ARHGEF7: variants seen among roughly 807,000 people sequenced by gnomAD.
The protein encoded by ARHGEF7 is Rho guanine nucleotide exchange factor 7.
ARHGEF7 carries 33 observed loss-of-function variants against 109.8 expected under a neutral mutation model. That is an observed-to-expected ratio of 0.30 (90% CI 0.23 to 0.40). The LOEUF (loss-of-function observed/expected upper bound fraction) is 0.40. Ranked by LOEUF, ARHGEF7 falls within the 10% of genes least tolerant of loss-of-function variation. The probability of loss-of-function intolerance (pLI) is 1.00; values close to 1 mark genes in which losing one functional copy is unlikely to be tolerated. For synonymous variants in ARHGEF7, 458 were observed against 424.6 expected (o/e 1.08, Z -0.97); for missense variants, 938 against 1,098.5 (o/e 0.85, Z 2.07).
intron 1 of ARHGEF7, among the ~76,000 whole-genome samples, chr13:111,121,131 C>G (rs1375114883): frequency 6.6e-6 from 1 of 152,184 alleles, no homozygotes; most frequent in Non-Finnish European, 1.5e-5. Flanking sequence ...CCTGGAGCCA[C>G]TGCAGGTGTC....
In ARHGEF7 at chr13:111,304,203, T is replaced by A. The variant is rs577015983; in HGVS notation, c.*1090T>A. 2.0e-5 allele frequency: 3 copies of A among 152,182 alleles called. No homozygotes were observed. In the East Asian group the frequency reaches 5.8e-4, roughly 29 times the overall value. The allele number at this position is 152,182 out of a possible 1,614,324, so 9.4% of individuals were successfully genotyped here. The stretch of plus-strand genomic sequence containing the variant: ...ACACCTTAGGTTCCACTAAGTAACA[T>A]AGGCATAAGCAGGGAACGTTTCCCC... On this transcript the variant is annotated 3_prime_UTR_variant, in exon 22 of 22. Coordinates refer to ENST00000646102, the MANE Select transcript of ARHGEF7 (RefSeq NM_001354046.2).
intron 17 of ARHGEF7, among the ~76,000 whole-genome samples, chr13:111,287,195 CCTT>C (rs1162125079): frequency 6.6e-6 from 1 of 152,204 alleles, no homozygotes; most frequent in African/African-American, 2.4e-5. Flanking sequence ...TCCTGACTGT[CCTT>C]CTCCTTAGGT....
In ARHGEF7 at chr13:111,301,535, A is replaced by G; in HGVS notation, c.2466+3A>G. On this transcript the variant is annotated splice_donor_region_variant and intron_variant, in intron 21 of 21. Transcript: ENST00000646102. ...ATGAAGTTCAAGAATTAAGACAGGT[A>G]CGTCATAATCCATCTTTAAATCTTT... 1 of 1,601,746 alleles carries G rather than the reference A, an allele frequency of 6.2e-7. No homozygotes were observed. The highest frequency in any genetic ancestry group is 2.2e-5 in the East Asian group (1 of 44,802).
At chr13:111,218,743 G>C (rs976012618) in intron 5 of ARHGEF7, among the ~76,000 whole-genome samples, 1 of 152,256 alleles carries the variant, frequency 6.6e-6, no homozygotes, top group African/African-American at 2.4e-5. Flanking sequence ...TCCCTTGTGC[G>C]GTCTTGTGGG....
Position 111,292,184 on chromosome 13 carries a change from C to T in ARHGEF7, c.2201C>T (p.Ser734Phe). ...GATGATGACCAACCAAGCCTAGACT[C>T]CCTGGGGCGTCGCAGTAGCCTTTCT... The part of the protein sequence containing the change: ...LADDDQPSLD[S>F]LGRRSSLSRL... The change falls in exon 19 of 22, where the codon TCC becomes TTC. Residue 734 changes from serine (S) to phenylalanine (F), a missense_variant. Transcript: ENST00000646102. The T allele has an allele frequency of 6.2e-7, 1 of 1,613,974 alleles. No homozygotes were observed. The highest frequency in any genetic ancestry group is 8.5e-7 in the Non-Finnish European group (1 of 1,180,036).
chr13:111,127,304 G>A (rs1005164137), intron 1 of ARHGEF7, among the ~76,000 whole-genome samples: 3 of 152,084 alleles, frequency 2.0e-5, no homozygotes, highest in African/African-American at 7.2e-5. Context: ...TAGTTTCACT[G>A]GTAAATTCTA....
At chr13:111,202,733 AT>A (rs1345284399) in intron 2 of ARHGEF7, among the ~76,000 whole-genome samples, 1 of 152,246 alleles carries the variant, frequency 6.6e-6, no homozygotes, top group East Asian at 1.9e-4. Flanking sequence ...TATTATTCCC[AT>A]AGTACAAAAT....
At chr13:111,286,902 A>C (rs1402592502) in intron 17 of ARHGEF7, among the ~76,000 whole-genome samples, 22 of 152,130 alleles carry the variant, frequency 1.4e-4, no homozygotes, top group Admixed American at 1.3e-3. Context: ...CCAGGGAGAG[A>C]GAGCCAGCTC....
chr13:111,158,768 G>T (rs2076534837), intron 2 of ARHGEF7, among the ~76,000 whole-genome samples: 1 of 152,146 alleles, frequency 6.6e-6, no homozygotes, highest in Non-Finnish European at 1.5e-5. Context: ...ATGTATTTAT[G>T]GAGTAACATC....
At chr13:111,235,473 A>G (rs904193040) in intron 6 of ARHGEF7, among the ~76,000 whole-genome samples, 5 of 152,366 alleles carry the variant, frequency 3.3e-5, no homozygotes, top group Admixed American at 6.5e-5. Context: ...TTCATACAGA[A>G]TGATGGAAAA....
chr13:111,190,662 G>A (rs942658640), intron 2 of ARHGEF7, among the ~76,000 whole-genome samples: 13 of 152,166 alleles, frequency 8.5e-5, no homozygotes, highest in African/African-American at 3.1e-4. Flanking sequence ...ATGGCTCTGC[G>A]ATGACAGACT....
At chr13:111,216,568 A>G (rs981469463) in intron 4 of ARHGEF7, among the ~76,000 whole-genome samples, 122 of 151,320 alleles carry the variant, frequency 8.1e-4, no homozygotes, top group Non-Finnish European at 1.6e-3. Context: ...GCTGGTGGGG[A>G]TAGAGGCCTG....
chr13:111,143,010 T>C (rs2075419668), intron 1 of ARHGEF7, among the ~76,000 whole-genome samples: 1 of 152,176 alleles, frequency 6.6e-6, no homozygotes, highest in Admixed American at 6.5e-5. Flanking sequence ...CTGACTTCAC[T>C]GTGTGTGGAG....
At position 111,228,894 on chromosome 13, in the gene ARHGEF7, T is replaced by C. The variant is rs918525201; in HGVS notation, c.671-4311T>C. 4.6e-5 allele frequency among the ~76,000 whole-genome samples: 7 copies of C among 152,016 alleles called. No homozygotes were observed. The highest frequency in any genetic ancestry group is 1.0e-4 in the Non-Finnish European group (7 of 68,024). The stretch of plus-strand genomic sequence containing the variant: ...AGCGGTGATGATTAACTCTGGACTT[T>C]GCTGGGTTGGTGACACGTCACAAAT... On this transcript the variant is annotated intron_variant, in intron 5 of 21. Coordinates refer to ENST00000646102, the MANE Select transcript of ARHGEF7 (RefSeq NM_001354046.2). This position sits in a 1 kb window ranked among gnomAD's most constrained non-coding sequence, Gnocchi z 4.6.
chr13:111,221,126 T>G (rs961890752), intron 5 of ARHGEF7, among the ~76,000 whole-genome samples: 1 of 137,896 alleles, frequency 7.3e-6, no homozygotes. Context: ...TAATACCTAA[T>G]AAACTCCCTT....
At chr13:111,149,888 T>C (rs558159731) in intron 1 of ARHGEF7, among the ~76,000 whole-genome samples, 3 of 152,360 alleles carry the variant, frequency 2.0e-5, no homozygotes, top group South Asian at 2.1e-4. Flanking sequence ...TTTAAAGTTT[T>C]ATACACATTA....
At chr13:111,290,868 T>C (rs2093253169) in intron 18 of ARHGEF7, among the ~76,000 whole-genome samples, 1 of 152,164 alleles carries the variant, frequency 6.6e-6, no homozygotes, top group Admixed American at 6.5e-5. Flanking sequence ...GCTGGAAAGG[T>C]GGTATACTTA....
intron 1 of ARHGEF7, among the ~76,000 whole-genome samples, chr13:111,141,998 A>G (rs770787499): frequency 3.9e-5 from 6 of 152,154 alleles, no homozygotes; most frequent in Non-Finnish European, 7.4e-5. Context: ...TGGTGTTGAC[A>G]GTTTTGTGGA....
chr13:111,152,954 G>A (rs112367193), intron 1 of ARHGEF7, among the ~76,000 whole-genome samples: 2 of 152,210 alleles, frequency 1.3e-5, no homozygotes, highest in African/African-American at 4.8e-5. Context: ...TAAAGCACTA[G>A]GGAGTCTGTA....
Sources: gnomAD v4.1 joint callset for allele counts (sites outside exome capture counted in the v4.1 genomes callset) on GRCh38, gnomAD v4.1.1 for gene constraint, Gnocchi (gnomAD v3.1) non-coding constraint, MANE v1.5 for transcripts, NCBI Gene and HGNC (gene_info 2026-07-23, HGNC 2026-07-21) for gene names.